CDK14: variants seen among roughly 807,000 people sequenced by gnomAD.
The protein encoded by CDK14 is cyclin dependent kinase 14.
CDK14 carries 34 observed loss-of-function variants against 60.7 expected under a neutral mutation model. The observed-to-expected ratio is 0.56, with a 90% CI of 0.43 to 0.75. The LOEUF is 0.75. Ranked by LOEUF, CDK14 falls within the 30% of genes least tolerant of loss-of-function variation. The probability of loss-of-function intolerance (pLI) is 0.00; values close to 1 mark genes in which losing one functional copy is unlikely to be tolerated. For synonymous variants in CDK14, 197 were observed against 203.7 expected (o/e 0.97, Z 0.28); for missense variants, 482 against 564.1 (o/e 0.85, Z 1.47).
At chr7:90,853,958 G>A (rs540220631) in intron 5 of CDK14, among the ~76,000 whole-genome samples, 43 of 152,102 alleles carry the variant, frequency 2.8e-4, no homozygotes, top group Non-Finnish European at 2.4e-4. Flanking sequence ...AGGGAGGTGG[G>A]TTCTAATTTG....
intron 2 of CDK14, among the ~76,000 whole-genome samples, chr7:90,684,988 A>ATT (rs35392530): frequency 1.4e-4 from 21 of 144,886 alleles, no homozygotes; most frequent in African/African-American, 4.8e-4. Context: ...TTATGCATAG[A>ATT]TTTTTTTTTT....
At chr7:90,836,675 T>C (rs948823673) in intron 5 of CDK14, among the ~76,000 whole-genome samples, 1 of 152,254 alleles carries the variant, frequency 6.6e-6, no homozygotes, top group Non-Finnish European at 1.5e-5. Context: ...AGTCATTTAT[T>C]ATCATTATCA....
chr7:90,860,943 G>A (rs1257849972), intron 5 of CDK14, among the ~76,000 whole-genome samples: 4 of 152,108 alleles, frequency 2.6e-5, no homozygotes, highest in Admixed American at 6.6e-5. Context: ...TTAGCAGCTG[G>A]TCCTCTCTGG....
chr7:90,823,097 C>T (rs551514671), intron 5 of CDK14, among the ~76,000 whole-genome samples: 122 of 152,240 alleles, frequency 8.0e-4, no homozygotes, highest in African/African-American at 2.7e-3. Context: ...ATAAAGTTGG[C>T]CCTCTGTGTC....
At chr7:90,948,265 G>C (rs370000498) in intron 8 of CDK14, among the ~76,000 whole-genome samples, 34 of 152,290 alleles carry the variant, frequency 2.2e-4, no homozygotes, top group African/African-American at 7.9e-4. Context: ...CATTAACTGA[G>C]AAGCAGAAAC....
rs147804870 is a variant in CDK14 at position 90,720,536 on chromosome 7, T to C, written c.124-6031T>C. Among the ~76,000 whole-genome samples, 6 of 152,332 alleles carry C rather than the reference T, an allele frequency of 3.9e-5. No homozygotes were observed. The East Asian group carries it at 9.6e-4, about 24-fold the overall frequency. Reference sequence around the variant, plus strand: ...AATTTGTTTCTATTTAAGCATTGTTTACTGACCTAATTAAATTCCCTTAAT... The same window carrying C: ...AATTTGTTTCTATTTAAGCATTGTTCACTGACCTAATTAAATTCCCTTAAT... On this transcript the variant is annotated intron_variant, in intron 2 of 14. Transcript: ENST00000380050.
chr7:90,638,264 G>A (rs1436488230), intron 2 of CDK14, among the ~76,000 whole-genome samples: 1 of 152,182 alleles, frequency 6.6e-6, no homozygotes, highest in Non-Finnish European at 1.5e-5. Context: ...TGCAGCAGCT[G>A]GTACTGGTTG....
intron 7 of CDK14, among the ~76,000 whole-genome samples, chr7:90,907,229 T>A (rs1056425419): frequency 3.9e-5 from 6 of 151,948 alleles, no homozygotes; most frequent in African/African-American, 7.2e-5. Context: ...AATTCCCCAC[T>A]CCCTTTAAAG....
intron 4 of CDK14, among the ~76,000 whole-genome samples, chr7:90,789,380 T>C (rs1271860196): frequency 2.0e-5 from 3 of 152,132 alleles, no homozygotes; most frequent in Non-Finnish European, 4.4e-5. Flanking sequence ...GTGTGATACA[T>C]ATATATGTAA....
At chr7:90,824,658 T>G (rs1330950426) in intron 5 of CDK14, 1 of 152,200 alleles carries the variant, frequency 6.6e-6, no homozygotes, top group Non-Finnish European at 1.5e-5. Flanking sequence ...AGCATCTGTT[T>G]CCTTAAAATA....
chr7:90,760,520 T>C (rs574578978), intron 4 of CDK14, among the ~76,000 whole-genome samples: 2 of 152,298 alleles, frequency 1.3e-5, no homozygotes, highest in East Asian at 1.9e-4. Flanking sequence ...GAGACACTAG[T>C]CTGATTACAT....
At chr7:91,198,178 A>C (rs1260449207) in intron 14 of CDK14, among the ~76,000 whole-genome samples, 1 of 152,158 alleles carries the variant, frequency 6.6e-6, no homozygotes, top group Non-Finnish European at 1.5e-5. Flanking sequence ...ACAAGAATAG[A>C]TATTTCTGCT....
At chr7:90,722,578 G>A (rs939753984) in intron 2 of CDK14, among the ~76,000 whole-genome samples, 18 of 151,516 alleles carry the variant, frequency 1.2e-4, no homozygotes, top group Non-Finnish European at 1.2e-4. Context: ...AAATGTTTAA[G>A]AATATTTATG....
At chr7:90,802,007 A>G (rs117989320) in intron 5 of CDK14, among the ~76,000 whole-genome samples, 2,203 of 152,262 alleles carry the variant, frequency 0.014, 21 homozygotes, top group Middle Eastern at 0.027. Context: ...AGCTAAGTTG[A>G]GAGAGTGGGC....
At chr7:90,692,346 A>G (rs188926034) in intron 2 of CDK14, among the ~76,000 whole-genome samples, 3 of 152,116 alleles carry the variant, frequency 2.0e-5, no homozygotes, top group African/African-American at 4.8e-5. Context: ...TCAACTTTGG[A>G]TGGCTGTGTG....
intron 2 of CDK14, among the ~76,000 whole-genome samples, chr7:90,621,230 G>C (rs1432488521): frequency 2.0e-5 from 3 of 152,210 alleles, no homozygotes; most frequent in Non-Finnish European, 4.4e-5. Flanking sequence ...GAGGTTTTCT[G>C]ATTCTTCTTG....
chr7:90,636,293 T>C (rs1298570420), intron 2 of CDK14, among the ~76,000 whole-genome samples: 1 of 152,232 alleles, frequency 6.6e-6, no homozygotes, highest in South Asian at 2.1e-4. Context: ...GCTCTTATTA[T>C]TTTGAAATAC....
At chr7:90,610,247 G>C (rs771969401) in intron 2 of CDK14, among the ~76,000 whole-genome samples, 1 of 152,060 alleles carries the variant, frequency 6.6e-6, no homozygotes, top group Admixed American at 6.6e-5. Context: ...TGTAATGTAC[G>C]CTGCCAGCCC....
chr7:90,660,672 C>T (rs1800849926), intron 2 of CDK14, among the ~76,000 whole-genome samples: 1 of 152,162 alleles, frequency 6.6e-6, no homozygotes, highest in Non-Finnish European at 1.5e-5. Flanking sequence ...TACATATTTT[C>T]TGTGTAGTTT....
Sources: gnomAD v4.1 joint callset for allele counts (sites outside exome capture counted in the v4.1 genomes callset) on GRCh38, gnomAD v4.1.1 for gene constraint, MANE v1.5 for transcripts, NCBI Gene and HGNC (gene_info 2026-07-23, HGNC 2026-07-21) for gene names.